NCKAP5: variants seen among roughly 807,000 people sequenced by gnomAD.
NCKAP5 encodes NCK associated protein 5.
NCKAP5 carries 92 observed loss-of-function variants against 167.0 expected under a neutral mutation model. That is an observed-to-expected ratio of 0.55 (90% CI 0.47 to 0.66). NCKAP5 has a LOEUF of 0.66. NCKAP5 is among the 30% of genes least tolerant of loss of function. NCKAP5 has a pLI of 0.00. For missense variants in NCKAP5, 2,378 were observed against 2,315.0 expected (o/e 1.03, Z -0.56); for synonymous variants, 891 against 877.4 (o/e 1.02, Z -0.27).
At chr2:133,085,790 T>C (rs1028608397) in intron 6 of NCKAP5, among the ~76,000 whole-genome samples, 2 of 152,062 alleles carry the variant, frequency 1.3e-5, no homozygotes, top group Non-Finnish European at 2.9e-5. Flanking sequence ...GGACCCCTCC[T>C]GTACAGCAGA....
intron 3 of NCKAP5, among the ~76,000 whole-genome samples, chr2:133,332,031 C>CT (rs113001059): frequency 0.014 from 2,098 of 152,224 alleles, 53 homozygotes; most frequent in African/African-American, 0.046. Flanking sequence ...GTGTAGACCC[C>CT]AACACCACCA....
intron 17 of NCKAP5, among the ~76,000 whole-genome samples, chr2:132,730,112 G>A (rs1690846504): frequency 6.6e-6 from 1 of 152,118 alleles, no homozygotes; most frequent in Non-Finnish European, 1.5e-5. Context: ...GAAAGTTCAG[G>A]ATGGGTGACA....
intron 3 of NCKAP5, among the ~76,000 whole-genome samples, chr2:133,374,990 TC>T (rs1294115642): frequency 6.6e-6 from 1 of 152,094 alleles, no homozygotes; most frequent in Non-Finnish European, 1.5e-5. Flanking sequence ...TTCAAACAAT[TC>T]CAAGTTCACA....
At chr2:133,033,199 A>T (rs563505479) in intron 6 of NCKAP5, among the ~76,000 whole-genome samples, 1 of 152,230 alleles carries the variant, frequency 6.6e-6, no homozygotes, top group Non-Finnish European at 1.5e-5. Flanking sequence ...GTAAGGGAAG[A>T]GAACAAGAGA....
chr2:132,881,187 T>A (rs914541897), intron 8 of NCKAP5, among the ~76,000 whole-genome samples: 13 of 152,326 alleles, frequency 8.5e-5, no homozygotes, highest in African/African-American at 2.9e-4. Flanking sequence ...TTATTTATTT[T>A]TTTTGAGATG....
In NCKAP5 at chr2:132,673,148, T is replaced by C. The variant is rs1392372842; in HGVS notation, c.*141A>G. On this transcript the variant is annotated 3_prime_UTR_variant, in exon 20 of 20. Coordinates refer to ENST00000409261, the MANE Select transcript of NCKAP5 (RefSeq NM_207363.3). The stretch of plus-strand genomic sequence containing the variant: ...ACTCAAAGATGTCTCTTCATTTTTT[T>C]CTTTTTCTTCCTTCTGTCCTTCAAC... 7.4e-7 allele frequency: 1 copy of C among 1,360,102 alleles called. No individual in the cohort carries two copies. Among genetic ancestry groups the C allele is most frequent in the Non-Finnish European group, 9.4e-7 (1 of 1,060,182 alleles). The allele number at this position is 1,360,102 out of a possible 1,614,324, so 84.3% of individuals were successfully genotyped here.
rs549783821 is a variant in NCKAP5 at position 133,425,542 on chromosome 2, A to G, written c.69+91916T>C. On this transcript the variant is annotated intron_variant, in intron 3 of 19. Transcript: ENST00000409261. ...GTGGCAAAAGGGAAAAAGAGGGCAG[A>G]GCAAAAGAAAGATAAAAAGAAGTGA... Among the ~76,000 whole-genome samples, 3 of 152,354 alleles carry G rather than the reference A, an allele frequency of 2.0e-5. No homozygotes were observed. In the South Asian group the frequency reaches 6.2e-4, roughly 32 times the overall value.
chr2:133,294,414 G>A (rs1307383732), intron 4 of NCKAP5, among the ~76,000 whole-genome samples: 1 of 152,112 alleles, frequency 6.6e-6, no homozygotes. Flanking sequence ...AGAGGCTCTG[G>A]GCCTGACTCT....
At chr2:133,317,545 C>T (rs1296169679) in intron 3 of NCKAP5, among the ~76,000 whole-genome samples, 1 of 152,110 alleles carries the variant, frequency 6.6e-6, no homozygotes, top group African/African-American at 2.4e-5. Context: ...AATTCATGGG[C>T]ACCTCCCCGC....
rs373475401 is a variant in NCKAP5 at position 132,794,147 on chromosome 2, C to T, written c.909+2481G>A. On this transcript the variant is annotated intron_variant, in intron 12 of 19. Transcript: ENST00000409261. ...TTACTATGTGGGATCATTGTGAAGA[C>T]TGAACAGCCCCTGACAAACGCTGGT... is the stretch of plus-strand genomic sequence containing the variant. 4.8e-4 allele frequency among the ~76,000 whole-genome samples: 71 copies of T among 148,652 alleles called. No homozygotes were observed. In the East Asian group the frequency reaches 0.014, roughly 29 times the overall value.
chr2:133,365,913 T>A (rs759914129), intron 3 of NCKAP5, among the ~76,000 whole-genome samples: 7 of 152,220 alleles, frequency 4.6e-5, no homozygotes, highest in Non-Finnish European at 8.8e-5. Context: ...AGCCATGGTG[T>A]ACCTGCTGGC....
At chr2:132,953,390 T>C (rs980195206) in intron 8 of NCKAP5, among the ~76,000 whole-genome samples, 1 of 152,246 alleles carries the variant, frequency 6.6e-6, no homozygotes, top group African/African-American at 2.4e-5. Flanking sequence ...TTCAGTTAGA[T>C]ACTTCTGTCT....
chr2:133,245,895 GGAAAAAA>G (rs2087959806), intron 4 of NCKAP5, among the ~76,000 whole-genome samples: 2 of 112,606 alleles, frequency 1.8e-5, no homozygotes, highest in African/African-American at 5.8e-5. Context: ...GATTTGATCA[GGAAAAAA>G]AAAAAAAAAA....
chr2:132,824,887 G>T (rs1687015327), intron 11 of NCKAP5, among the ~76,000 whole-genome samples: 1 of 152,208 alleles, frequency 6.6e-6, no homozygotes, highest in Non-Finnish European at 1.5e-5. Flanking sequence ...AAGACATGTG[G>T]CATGAGAAAG....
At chr2:133,258,659 T>A (rs1201991690) in intron 4 of NCKAP5, among the ~76,000 whole-genome samples, 2 of 151,750 alleles carry the variant, frequency 1.3e-5, no homozygotes, top group Admixed American at 1.3e-4. Context: ...GTGGGAGGAA[T>A]ACTTGAGCCC....
At chr2:132,780,810 T>C (rs1682966702) in intron 15 of NCKAP5, among the ~76,000 whole-genome samples, 1 of 152,204 alleles carries the variant, frequency 6.6e-6, no homozygotes, top group African/African-American at 2.4e-5. Context: ...CTCAACGTTC[T>C]GAAAACAGCT....
At chr2:133,664,620 C>T in the NCKAP5 span, among the ~76,000 whole-genome samples, 1 of 152,298 alleles carries the variant, frequency 6.6e-6, no homozygotes, top group Admixed American at 6.5e-5. Context: ...CTGCCTCAGC[C>T]TCCGTAATAG....
chr2:133,253,114 G>A (rs543115661), intron 4 of NCKAP5, among the ~76,000 whole-genome samples: 1 of 152,316 alleles, frequency 6.6e-6, no homozygotes, highest in African/African-American at 2.4e-5. Context: ...TTCCTGCTGG[G>A]CAATCAGGCA....
intron 12 of NCKAP5, among the ~76,000 whole-genome samples, chr2:132,792,246 T>TC (rs1298673245): frequency 6.6e-6 from 1 of 152,166 alleles, no homozygotes; most frequent in Non-Finnish European, 1.5e-5. Flanking sequence ...TCCTATTTCT[T>TC]CCCCCTGAAA....
Sources: gnomAD v4.1 joint callset for allele counts (sites outside exome capture counted in the v4.1 genomes callset) on GRCh38, gnomAD v4.1.1 for gene constraint, MANE v1.5 for transcripts, NCBI Gene and HGNC (gene_info 2026-07-23, HGNC 2026-07-21) for gene names.